The following ZNF454 variants were observed in gnomAD, a reference collection of about 807,000 sequenced individuals.
ZNF454 encodes the protein zinc finger protein 454.
ZNF454 carries 30 observed loss-of-function variants against 48.2 expected under a neutral mutation model. The observed-to-expected ratio is 0.62, with a 90% confidence interval of 0.47 to 0.84. ZNF454 has a LOEUF of 0.84. Ranked by LOEUF, ZNF454 falls within the 40% of genes least tolerant of loss-of-function variation. ZNF454 has a pLI of 0.00. For synonymous variants in ZNF454, 204 were observed against 211.4 expected (o/e 0.97, Z 0.30); for missense variants, 510 against 623.1 (o/e 0.82, Z 1.93).
At chr5:178,989,450 G>A in the ZNF454 span, 34 of 1,612,376 alleles carry the variant, frequency 2.1e-5, no homozygotes, top group Non-Finnish European at 2.9e-5. Context: ...ACCTGAGCCA[G>A]CTGTGTTTCT....
At chr5:178,977,926 G>A in the ZNF454 span, among the ~76,000 whole-genome samples, 16,729 of 152,128 alleles carry the variant, frequency 0.11, 1,341 homozygotes, top group African/African-American at 0.22. Flanking sequence ...ACACCCTTGC[G>A]TGCCTTTTAG....
chr5:178,963,017 T>C (rs1386226689), intron 4 of ZNF454, among the ~76,000 whole-genome samples: 1 of 151,792 alleles, frequency 6.6e-6, no homozygotes, highest in Non-Finnish European at 1.5e-5. Flanking sequence ...CCTGGTTCTG[T>C]TGTACTAAAA....
At chr5:178,956,194 A>G (rs112144358) in intron 4 of ZNF454, among the ~76,000 whole-genome samples, 4 of 152,188 alleles carry the variant, frequency 2.6e-5, no homozygotes, top group African/African-American at 9.7e-5. Flanking sequence ...CTTTTTCAAA[A>G]ATAAGCTCTT....
downstream of ZNF454, chr5:178,968,717 C>T: frequency 2.2e-6 from 1 of 455,490 alleles, no homozygotes. Context: ...GTCTTAACTA[C>T]CACCCCCTTA....
chr5:178,983,358 C>T, the ZNF454 span: 2 of 785,992 alleles, frequency 2.5e-6, no homozygotes, highest in Non-Finnish European at 2.2e-6. Context: ...TTCGTGGTGG[C>T]TCTCAGGAGC....
intron 4 of ZNF454, among the ~76,000 whole-genome samples, chr5:178,956,674 A>AATTT (rs70997652): frequency 0.01 from 350 of 33,836 alleles, 4 homozygotes; most frequent in African/African-American, 0.022. Flanking sequence ...TATTTTATTT[A>AATTT]ATTTATTTAT....
Position 178,965,062 on chromosome 5 carries a change from G to C in ZNF454, c.658G>C (p.Glu220Gln), listed in dbSNP as rs1397650377. 19 of 1,614,166 alleles carry C rather than the reference G, an allele frequency of 1.2e-5. No individual in the cohort carries two copies. The highest frequency in any genetic ancestry group is 3.3e-5 in the South Asian group (3 of 91,080). Reference protein sequence around the residue: ...HIKEKRYECRECGKAFHQSTH... With the variant: ...HIKEKRYECRQCGKAFHQSTH... Reference sequence around the variant, plus strand: ...TAAGGAGAAAAGATATGAATGTAGAGAATGTGGGAAAGCCTTTCACCAGAG... The same window carrying C: ...TAAGGAGAAAAGATATGAATGTAGACAATGTGGGAAAGCCTTTCACCAGAG... The change falls in exon 5 of 5, where the codon GAA becomes CAA. Residue 220 changes from glutamate to glutamine, a missense_variant. By Grantham distance (29) the Glu-to-Gln change is conservative (BLOSUM62 2). This residue lies in a region of ZNF454 where 354 missense variants were observed against 408.9 expected (regional missense o/e 0.87). Transcript: ENST00000519564. The surrounding 1 kb of genome is among the most constrained non-coding windows in gnomAD (Gnocchi z 5.2).
chr5:178,983,407 C>G, the ZNF454 span: 2 of 710,660 alleles, frequency 2.8e-6, no homozygotes, highest in South Asian at 3.0e-5. Context: ...CAGGCAGGGG[C>G]AGCCCAAGAG....
At position 178,965,075 on chromosome 5, in the gene ZNF454, C is replaced by T. The variant is rs1219062546; in HGVS notation, c.671C>T (p.Ala224Val). Reference sequence around the variant, plus strand: ...TATGAATGTAGAGAATGTGGGAAAGCCTTTCACCAGAGTACGCACCTTATC... The same window carrying T: ...TATGAATGTAGAGAATGTGGGAAAGTCTTTCACCAGAGTACGCACCTTATC... Reference protein sequence around the residue: ...KRYECRECGKAFHQSTHLIHH... With the variant: ...KRYECRECGKVFHQSTHLIHH... Residue 224 changes from alanine (A) to valine (V), a missense_variant, in exon 5 of 5, where the codon GCC becomes GTC. Transcript: ENST00000519564. This position sits in a 1 kb window ranked among gnomAD's most constrained non-coding sequence, Gnocchi z 5.2. 1 of 1,614,134 alleles carries T rather than the reference C, an allele frequency of 6.2e-7. No individual in the cohort carries two copies. The highest frequency in any genetic ancestry group is 8.5e-7 in the Non-Finnish European group (1 of 1,180,022).
chr5:178,987,192 G>T, the ZNF454 span: 1 of 693,408 alleles, frequency 1.4e-6, no homozygotes, highest in African/African-American at 1.8e-5. Flanking sequence ...TGTTGTGAGC[G>T]TGTGGAGAAG....
intron 4 of ZNF454, 58 bp from the exon 5 acceptor site, chr5:178,964,597 C>A: frequency 7.6e-7 from 1 of 1,313,778 alleles, no homozygotes; most frequent in Non-Finnish European, 1.1e-6. Context: ...CGTCATCTTG[C>A]CCCATCCAAA....
intron 4 of ZNF454, among the ~76,000 whole-genome samples, chr5:178,955,979 T>A (rs4700753): frequency 0.49 from 74,533 of 151,860 alleles, 18,553 homozygotes; most frequent in South Asian, 0.57. Flanking sequence ...CTCCAGGGAC[T>A]AAACTGGGGC....
At chr5:178,957,519 C>T (rs1013047238) in intron 4 of ZNF454, among the ~76,000 whole-genome samples, 2 of 152,030 alleles carry the variant, frequency 1.3e-5, no homozygotes, top group Admixed American at 6.6e-5. Context: ...AGGCCATTCT[C>T]CTGCCTCAGC....
intron 4 of ZNF454, among the ~76,000 whole-genome samples, chr5:178,956,441 CA>C (rs1490992680): frequency 6.8e-6 from 1 of 148,054 alleles, no homozygotes; most frequent in Admixed American, 6.9e-5. Context: ...GTCTTCAACA[CA>C]GTTCTCCGGC....
At chr5:178,986,219 A>T in the ZNF454 span, 1 of 1,614,188 alleles carries the variant, frequency 6.2e-7, no homozygotes, top group Admixed American at 1.7e-5. Context: ...CCCTGCTCAA[A>T]GATGCGGTAG....
chr5:178,979,839 T>C, the ZNF454 span: 1 of 154,226 alleles, frequency 6.5e-6, no homozygotes, highest in East Asian at 1.9e-4. Context: ...ATCTCAGAGT[T>C]CATACAGGAG....
chr5:178,983,376 G>A, the ZNF454 span: 2 of 740,560 alleles, frequency 2.7e-6, no homozygotes, highest in African/African-American at 1.7e-5. Flanking sequence ...AGCACTCAGT[G>A]GAGAAGAGGG....
chr5:178,977,278 A>G, the ZNF454 span: 1 of 296,748 alleles, frequency 3.4e-6, no homozygotes, highest in Middle Eastern at 1.3e-3. Context: ...GGAGGTTATG[A>G]AAGTAGAGCC....
intron 4 of ZNF454, among the ~76,000 whole-genome samples, chr5:178,948,935 T>A (rs1759449171): frequency 6.6e-6 from 1 of 151,054 alleles, no homozygotes; most frequent in Non-Finnish European, 1.5e-5. Flanking sequence ...CACAGTCTCC[T>A]TCTGTTACCC....
Sources: gnomAD v4.1 joint callset for allele counts (sites outside exome capture counted in the v4.1 genomes callset) on GRCh38, gnomAD v4.1.1 for gene constraint, gnomAD v4.1.1 regional missense constraint, Gnocchi (gnomAD v3.1) non-coding constraint, MANE v1.5 for transcripts, NCBI Gene and HGNC (gene_info 2026-07-23, HGNC 2026-07-21) for gene names.